The following TTC29 variants were observed in gnomAD, a reference collection of about 807,000 sequenced individuals.
TTC29 encodes tetratricopeptide repeat protein 29.
TTC29 carries 49 observed loss-of-function variants against 58.1 expected under a neutral mutation model. That is an observed-to-expected ratio of 0.84 (90% CI 0.67 to 1.07). The LOEUF is 1.07. Ranked by LOEUF, TTC29 falls within the 50% of genes least tolerant of loss-of-function variation. TTC29 has a pLI of 0.00. For synonymous variants in TTC29, 209 were observed against 196.8 expected, an observed-to-expected ratio of 1.06 and a Z score of -0.52; for missense variants, 582 against 555.6, an observed-to-expected ratio of 1.05 and a Z score of -0.48.
intron 11 of TTC29, among the ~76,000 whole-genome samples, chr4:146,751,761 CATAA>C (rs1156433430): frequency 6.6e-6 from 1 of 151,786 alleles, no homozygotes; most frequent in Non-Finnish European, 1.5e-5. Flanking sequence ...AAAGAGCTCA[CATAA>C]ATAGTTTAAC....
intron 6 of TTC29, among the ~76,000 whole-genome samples, chr4:146,892,398 T>C (rs945821507): frequency 6.6e-6 from 1 of 152,216 alleles, no homozygotes; most frequent in East Asian, 1.9e-4. Context: ...TCAATAAATG[T>C]AATCTAGCAT....
At chr4:146,731,351 G>T (rs1744320621) in intron 11 of TTC29, among the ~76,000 whole-genome samples, 1 of 152,096 alleles carries the variant, frequency 6.6e-6, no homozygotes, top group African/African-American at 2.4e-5. Context: ...GAACGAACCA[G>T]GGAAATACAG....
At chr4:146,778,461 G>T (rs911465690) in intron 11 of TTC29, among the ~76,000 whole-genome samples, 1 of 151,962 alleles carries the variant, frequency 6.6e-6, no homozygotes, top group Non-Finnish European at 1.5e-5. Flanking sequence ...AGAGAACATG[G>T]TCTGTATGAT....
intron 10 of TTC29, among the ~76,000 whole-genome samples, chr4:146,818,967 A>G (rs1192312516): frequency 1.3e-5 from 2 of 151,994 alleles, no homozygotes; most frequent in African/African-American, 4.8e-5. Flanking sequence ...TAGCATTAGG[A>G]GAGATACCTA....
chr4:146,862,250 A>ATT (rs1246799035), intron 8 of TTC29, among the ~76,000 whole-genome samples: 20 of 142,684 alleles, frequency 1.4e-4, no homozygotes, highest in Admixed American at 4.3e-4. Flanking sequence ...ATATTTTATC[A>ATT]TTATATATAT....
At chr4:146,745,015 C>T (rs1214488054) in intron 11 of TTC29, among the ~76,000 whole-genome samples, 1 of 152,018 alleles carries the variant, frequency 6.6e-6, no homozygotes, top group Non-Finnish European at 1.5e-5. Flanking sequence ...TCCACTTAAC[C>T]AAGATTCAAA....
chr4:146,743,205 C>T (rs1028404652), intron 11 of TTC29, among the ~76,000 whole-genome samples: 6 of 151,676 alleles, frequency 4.0e-5, no homozygotes, highest in Non-Finnish European at 7.4e-5. Context: ...TTATAATTGG[C>T]CTTGGGAGGG....
At chr4:146,890,038 A>C (rs1465669957) in intron 6 of TTC29, among the ~76,000 whole-genome samples, 1 of 152,104 alleles carries the variant, frequency 6.6e-6, no homozygotes, top group African/African-American at 2.4e-5. Flanking sequence ...TTATTTCTGA[A>C]ATAACATCTT....
chr4:146,937,489 G>A lies in TTC29; in HGVS notation c.176+105C>T, dbSNP rs79660403. 1.5e-4 allele frequency: 109 copies of A among 729,340 alleles called. No homozygotes were observed. The African/African-American group carries it at 2.0e-3, about 13-fold the overall frequency. 45.2% of individuals were successfully genotyped at this position (729,340 alleles called of 1,614,324 possible). ...ATGAGCTTTAATTTTTAAATGCCAT[G>A]TTCCAATGAAAAAGTATATTACACA... On this transcript the variant is annotated intron_variant, in intron 4 of 12. Coordinates refer to ENST00000325106, the MANE Select transcript of TTC29 (RefSeq NM_031956.4).
At chr4:146,763,523 T>C (rs530725858) in intron 11 of TTC29, among the ~76,000 whole-genome samples, 12 of 152,084 alleles carry the variant, frequency 7.9e-5, no homozygotes, top group Admixed American at 4.6e-4. Context: ...AGTTTAAGTA[T>C]TGTGAGACTG....
chr4:146,798,886 CAAAAAAAAAAAAAA>C (rs70958529), intron 11 of TTC29, among the ~76,000 whole-genome samples: 15 of 18,272 alleles, frequency 8.2e-4, no homozygotes, highest in Admixed American at 1.4e-3. Flanking sequence ...GACTCCGTCT[CAAAAAAAAAAAAAA>C]AAAAAAAAAA....
At chr4:146,803,369 C>T (rs541901169) in intron 11 of TTC29, 88 bp downstream of exon 11, 80 of 955,558 alleles carry the variant, frequency 8.4e-5, no homozygotes, top group South Asian at 1.3e-4. Context: ...TTAAAATCAC[C>T]GACATTTGAG....
rs986201675 is a variant in TTC29 at position 146,846,098 on chromosome 4, C to T, written c.886-12201G>A. Among the ~76,000 whole-genome samples, 4 of 151,948 alleles carry T rather than the reference C, an allele frequency of 2.6e-5. No individual in the cohort carries two copies. In the East Asian group the frequency reaches 7.7e-4, roughly 29 times the overall value. ...AAACCATTGTATGTATTGACTTTTG[C>T]ATTCTACCGCATTCAATAAGAGAAA... On this transcript the variant is annotated intron_variant, in intron 8 of 12. Coordinates refer to ENST00000325106, the MANE Select transcript of TTC29 (RefSeq NM_031956.4).
chr4:146,766,575 T>C (rs959555929), intron 11 of TTC29, among the ~76,000 whole-genome samples: 2 of 152,092 alleles, frequency 1.3e-5, no homozygotes, highest in African/African-American at 2.4e-5. Context: ...AAAAAATGAA[T>C]TAGTATTTTT....
chr4:146,888,186 A>G (rs1385180955), intron 6 of TTC29, among the ~76,000 whole-genome samples: 1 of 152,218 alleles, frequency 6.6e-6, no homozygotes, highest in Non-Finnish European at 1.5e-5. Flanking sequence ...AGAATAGTTT[A>G]AAGTTTTGCT....
intron 8 of TTC29, among the ~76,000 whole-genome samples, chr4:146,837,011 T>A (rs1165348665): frequency 6.6e-6 from 1 of 152,032 alleles, no homozygotes; most frequent in East Asian, 1.9e-4. Flanking sequence ...CCCAGAGGAA[T>A]AAAAATTATT....
chr4:146,711,467 C>T (rs1245629487), intron 11 of TTC29, among the ~76,000 whole-genome samples: 2 of 152,140 alleles, frequency 1.3e-5, no homozygotes, highest in Non-Finnish European at 2.9e-5. Flanking sequence ...ATTAGCTACG[C>T]CGGTCCTGCC....
At position 146,708,308 on chromosome 4, in the gene TTC29, T is replaced by TTATATA. The variant is rs59963230; in HGVS notation, c.1331-763_1331-758dup. Among the ~76,000 whole-genome samples the TTATATA allele has an allele frequency of 2.7e-3, 169 of 62,114 alleles. 1 individual carries two copies. Among genetic ancestry groups the TTATATA allele is most frequent in the African/African-American group, 7.9e-3 (85 of 10,752 alleles). 40.7% of individuals were successfully genotyped at this position (62,114 alleles called of 152,430 possible). ...AATAATGAAGTCAAATATGGGAAGTTTATATATATATATATATATATATAT... is the reference window on the plus strand; with the variant it reads ...AATAATGAAGTCAAATATGGGAAGTTTATATATATATATATATATATATATATATAT... On this transcript the variant is annotated intron_variant, in intron 11 of 12. Coordinates refer to ENST00000325106, the MANE Select transcript of TTC29 (RefSeq NM_031956.4).
At chr4:146,940,478 T>C (rs1421709249) in intron 2 of TTC29, among the ~76,000 whole-genome samples, 2 of 152,196 alleles carry the variant, frequency 1.3e-5, no homozygotes, top group Non-Finnish European at 2.9e-5. Context: ...TTAAAAGTTG[T>C]TTAAAACAAC....
Sources: allele counts gnomAD v4.1 joint callset (sites outside exome capture counted in the v4.1 genomes callset), GRCh38; gene constraint gnomAD v4.1.1; transcripts MANE v1.5; gene names NCBI Gene and HGNC (gene_info 2026-07-23, HGNC 2026-07-21).